Variants in DCDC2C observed in about 807,000 individuals in gnomAD.
DCDC2C encodes the protein doublecortin domain-containing protein 2C.
DCDC2C carries 44 observed loss-of-function variants against 45.0 expected under a neutral mutation model. The ratio of observed to expected loss-of-function variants is 0.98; its 90% CI spans 0.77 to 1.26. The LOEUF (loss-of-function observed/expected upper bound fraction) is 1.26. DCDC2C is among the 50% of genes most tolerant of loss of function. DCDC2C has a pLI of 0.00. For synonymous variants in DCDC2C, 187 were observed against 178.8 expected, an observed-to-expected ratio of 1.05 and a Z score of -0.37; for missense variants, 447 against 468.9, an observed-to-expected ratio of 0.95 and a Z score of 0.43.
chr2:3,833,834 T>C (rs10495492), intron 10 of DCDC2C, among the ~76,000 whole-genome samples: 96,724 of 152,016 alleles, frequency 0.64, 31,072 homozygotes, highest in South Asian at 0.77. Flanking sequence ...GTTCAGAAGC[T>C]CTTTCCTATC....
At chr2:3,827,321 G>A (rs2148230412) in intron 10 of DCDC2C, among the ~76,000 whole-genome samples, 1 of 152,242 alleles carries the variant, frequency 6.6e-6, no homozygotes, top group Middle Eastern at 3.4e-3. Flanking sequence ...GCAGGGATGG[G>A]GGTGGGGGTC....
rs949166227 is a variant in DCDC2C at position 3,734,911 on chromosome 2, C to G, written c.417-7009C>G. On this transcript the variant is annotated intron_variant, in intron 3 of 10. Transcript: ENST00000399143. The surrounding 1 kb of genome is among the most constrained non-coding windows in gnomAD (Gnocchi z 4.2). ...CTTTAGATAGGGGGTTCCTTACTCC[C>G]GGGTCCAGGGATGACTCCCTTATCG... 2.0e-5 allele frequency among the ~76,000 whole-genome samples: 3 copies of G among 152,086 alleles called. No homozygotes were observed. Among genetic ancestry groups the G allele is most frequent in the African/African-American group, 7.2e-5 (3 of 41,402 alleles).
intron 4 of DCDC2C, among the ~76,000 whole-genome samples, chr2:3,749,212 AT>A (rs1669463646): frequency 6.6e-6 from 1 of 152,210 alleles, no homozygotes; most frequent in Admixed American, 6.5e-5. Flanking sequence ...ATGTTTTCCA[AT>A]TTAAAAAACA....
At chr2:3,730,690 CAG>C (rs759421446) in intron 3 of DCDC2C, among the ~76,000 whole-genome samples, 40 of 152,184 alleles carry the variant, frequency 2.6e-4, no homozygotes, top group Non-Finnish European at 5.3e-4. Context: ...TTATTACTAA[CAG>C]GCTTCAATTA....
rs142116799 is a variant in DCDC2C, at chr2:3,785,146, A to G, written c.1065+46A>G. ...CTGTAGTTTTGCGTTTTCTATTCTG[A>G]AGACAGACCTAACAAGAGAATCCAC... is the stretch of plus-strand genomic sequence containing the variant. On this transcript the variant is annotated intron_variant, in intron 10 of 10. Coordinates refer to ENST00000399143, the MANE Select transcript of DCDC2C (RefSeq NM_001287444.2). 1.6e-4 allele frequency: 189 copies of G among 1,216,832 alleles called. 1 individual carries two copies. In the African/African-American group the frequency reaches 2.7e-3, roughly 17 times the overall value. 75.4% of individuals were successfully genotyped at this position (1,216,832 alleles called of 1,614,324 possible).
chr2:3,754,817 G>A (rs963703775), intron 6 of DCDC2C, among the ~76,000 whole-genome samples, 183 bp downstream of exon 6: 31 of 152,234 alleles, frequency 2.0e-4, no homozygotes, highest in Non-Finnish European at 3.2e-4. Flanking sequence ...AATGGTGTGA[G>A]TAGGAGAGGA....
At position 3,721,938 on chromosome 2, in the gene DCDC2C, C is replaced by T. The variant is rs149318180; in HGVS notation, c.340-5065C>T. Among the ~76,000 whole-genome samples the T allele has an allele frequency of 2.6e-5, 4 of 152,352 alleles. No individual in the cohort carries two copies. In the East Asian group the frequency reaches 5.8e-4, roughly 22 times the overall value. ...GGGAACTATAAGTCCAATTAAACCTCTTTCTTTTGTAAATTGCCCAGTCTC... is the reference window on the plus strand; with the variant it reads ...GGGAACTATAAGTCCAATTAAACCTTTTTCTTTTGTAAATTGCCCAGTCTC... On this transcript the variant is annotated intron_variant, in intron 2 of 10. Coordinates refer to ENST00000399143, the MANE Select transcript of DCDC2C (RefSeq NM_001287444.2).
At chr2:3,769,624 C>A (rs1361380767) in intron 8 of DCDC2C, among the ~76,000 whole-genome samples, 1 of 152,174 alleles carries the variant, frequency 6.6e-6, no homozygotes, top group Non-Finnish European at 1.5e-5. Flanking sequence ...GGAGAGACGC[C>A]TTTTAACACT....
At chr2:3,817,801 A>G (rs981109523) in intron 10 of DCDC2C, among the ~76,000 whole-genome samples, 1 of 152,248 alleles carries the variant, frequency 6.6e-6, no homozygotes, top group Non-Finnish European at 1.5e-5. Context: ...TAAGGAACAG[A>G]AAGGAGTGGC....
chr2:3,783,652 T>C (rs1451552371), intron 9 of DCDC2C, among the ~76,000 whole-genome samples: 1 of 152,228 alleles, frequency 6.6e-6, no homozygotes, highest in Non-Finnish European at 1.5e-5. Context: ...TTGAGCTTGA[T>C]AGAGACTCTG....
chr2:3,729,312 A>T (rs1668790892), intron 3 of DCDC2C, among the ~76,000 whole-genome samples: 1 of 152,184 alleles, frequency 6.6e-6, no homozygotes, highest in Non-Finnish European at 1.5e-5. Context: ...GCCAGGCAGA[A>T]CTGGAGAAGA....
chr2:3,781,004 T>G (rs755048418), intron 9 of DCDC2C, among the ~76,000 whole-genome samples: 4 of 152,204 alleles, frequency 2.6e-5, no homozygotes, highest in Non-Finnish European at 5.9e-5. Context: ...CTTCAAGGGG[T>G]GCAGGGTGGC....
chr2:3,760,092 C>T (rs1156952091), intron 6 of DCDC2C, among the ~76,000 whole-genome samples: 3 of 152,188 alleles, frequency 2.0e-5, no homozygotes, highest in Non-Finnish European at 2.9e-5. Context: ...TTTTACTCTT[C>T]CTGGATCTCT....
chr2:3,834,409 A>G (rs1455523444), intron 10 of DCDC2C, among the ~76,000 whole-genome samples: 2 of 152,044 alleles, frequency 1.3e-5, no homozygotes, highest in African/African-American at 4.8e-5. Flanking sequence ...TACTACCTCC[A>G]TGGTTTCACC....
chr2:3,704,913 G>A (rs1668024729), intron 1 of DCDC2C, among the ~76,000 whole-genome samples: 1 of 152,124 alleles, frequency 6.6e-6, no homozygotes, highest in Non-Finnish European at 1.5e-5. Context: ...TGCAGCCTGT[G>A]TCTGCTTTCT....
intron 8 of DCDC2C, among the ~76,000 whole-genome samples, chr2:3,773,248 G>A (rs202074817): frequency 7.1e-5 from 3 of 42,310 alleles, no homozygotes; most frequent in Admixed American, 2.3e-4. Context: ...ACGACCCCCT[G>A]TTTTTTTTCC....
chr2:3,758,491 C>T (rs925535490), intron 6 of DCDC2C, among the ~76,000 whole-genome samples: 5 of 152,174 alleles, frequency 3.3e-5, no homozygotes, highest in South Asian at 2.1e-4. Flanking sequence ...TAGAACATCA[C>T]GATGCAAATT....
chr2:3,768,376 T>C (rs1670069746), intron 7 of DCDC2C, among the ~76,000 whole-genome samples: 1 of 152,228 alleles, frequency 6.6e-6, no homozygotes, highest in Non-Finnish European at 1.5e-5. Context: ...CACTGAGCTC[T>C]TACTGGGTGC....
At chr2:3,727,518 A>G (rs1286200187) in intron 3 of DCDC2C, among the ~76,000 whole-genome samples, 1 of 152,160 alleles carries the variant, frequency 6.6e-6, no homozygotes, top group Non-Finnish European at 1.5e-5. Flanking sequence ...CTTGCTACCA[A>G]AAGGCCCTCA....
Sources: gnomAD v4.1 joint callset for allele counts (sites outside exome capture counted in the v4.1 genomes callset) on GRCh38, gnomAD v4.1.1 for gene constraint, Gnocchi (gnomAD v3.1) non-coding constraint, MANE v1.5 for transcripts, NCBI Gene and HGNC (gene_info 2026-07-23, HGNC 2026-07-21) for gene names.